The following FSTL5 variants were observed in gnomAD, a reference collection of about 807,000 sequenced individuals.
FSTL5 encodes follistatin like 5.
In FSTL5, 62 loss-of-function variants were observed where a neutral mutation model predicts 89.1. The ratio of observed to expected loss-of-function variants is 0.70; its 90% CI spans 0.57 to 0.86. The LOEUF (loss-of-function observed/expected upper bound fraction) is 0.86, where lower values mean the gene tolerates loss of function less well. Among genes scored for constraint, FSTL5 ranks in the 40% least tolerant of loss-of-function variants. FSTL5 has a pLI of 0.00. For synonymous variants in FSTL5, 383 were observed against 346.2 expected, an observed-to-expected ratio of 1.11 and a Z score of -1.18; for missense variants, 1,057 against 1,001.6, an observed-to-expected ratio of 1.06 and a Z score of -0.75.
At position 161,397,605 on chromosome 4, in the gene FSTL5, A is replaced by G. The variant is rs988476769; in HGVS notation, c.1842-11156T>C. On this transcript the variant is annotated intron_variant, in intron 15 of 15. Coordinates refer to ENST00000306100, the MANE Select transcript of FSTL5 (RefSeq NM_020116.5). ...TTATATATAGTATTTGACGATTGGT[A>G]TTAATAGTATTATAATGCTATTAGA... is the stretch of plus-strand genomic sequence containing the variant. Among the ~76,000 whole-genome samples the G allele has an allele frequency of 8.6e-5, 13 of 151,062 alleles. 2 individuals carry two copies. The highest frequency in any genetic ancestry group is 3.3e-4 in the Admixed American group (5 of 15,128).
intron 12 of FSTL5, among the ~76,000 whole-genome samples, chr4:161,485,463 C>T (rs76610628): frequency 0.023 from 3,550 of 152,196 alleles, 59 homozygotes; most frequent in Non-Finnish European, 0.035. Context: ...TCCGCTGTCA[C>T]CTTCTAGGAA....
At chr4:161,771,925 ATTCTGTTAAG>A (rs1348922716) in intron 5 of FSTL5, among the ~76,000 whole-genome samples, 4 of 152,188 alleles carry the variant, frequency 2.6e-5, no homozygotes, top group Non-Finnish European at 4.4e-5. Context: ...ATTATGGACA[ATTCTGTTAAG>A]TTAGAATGAT....
At chr4:161,527,068 C>T (rs192405871) in intron 10 of FSTL5, among the ~76,000 whole-genome samples, 4,100 of 152,198 alleles carry the variant, frequency 0.027, 178 homozygotes, top group African/African-American at 0.092. Context: ...TTCTTCCTAC[C>T]CATGAGCAAG....
intron 3 of FSTL5, among the ~76,000 whole-genome samples, chr4:161,936,549 G>A (rs192491940): frequency 1.8e-4 from 28 of 152,220 alleles, no homozygotes; most frequent in Non-Finnish European, 3.8e-4. Flanking sequence ...GGTTGGTAAA[G>A]CTGCAAACCT....
chr4:161,442,208 C>G (rs1270394296), intron 15 of FSTL5, among the ~76,000 whole-genome samples: 6 of 150,932 alleles, frequency 4.0e-5, no homozygotes, highest in Non-Finnish European at 8.9e-5. Flanking sequence ...TTGGTGCCTC[C>G]TAATTCACCG....
chr4:161,663,117 C>T (rs1736772650), intron 6 of FSTL5, among the ~76,000 whole-genome samples: 2 of 152,046 alleles, frequency 1.3e-5, no homozygotes, highest in South Asian at 4.1e-4. Context: ...CATGAGAATT[C>T]CGGGAGATAG....
At chr4:161,807,228 C>CACACACACACACACACAT (rs1415201641) in intron 4 of FSTL5, among the ~76,000 whole-genome samples, 2 of 140,458 alleles carry the variant, frequency 1.4e-5, no homozygotes, top group African/African-American at 2.5e-5. Context: ...CACACACACA[C>CACACACACACACACACAT]ATATATATTT....
At chr4:162,105,788 T>C (rs1561022245) in intron 2 of FSTL5, among the ~76,000 whole-genome samples, 1 of 152,288 alleles carries the variant, frequency 6.6e-6, no homozygotes, top group East Asian at 1.9e-4. Flanking sequence ...TGCTCTCAGA[T>C]GGTGGTCCAA....
rs184748567 is a variant in FSTL5 at position 162,092,147 on chromosome 4, T to G, written c.126+19124A>C. 1.9e-4 allele frequency among the ~76,000 whole-genome samples: 29 copies of G among 152,240 alleles called. No individual in the cohort carries two copies. The East Asian group carries it at 5.6e-3, about 29-fold the overall frequency. ...CAGCTCTTTAGAATAATCTAGGAAC[T>G]TTTATAAATATCCATGCTGGATTCC... On this transcript the variant is annotated intron_variant, in intron 2 of 15. Coordinates refer to ENST00000306100, the MANE Select transcript of FSTL5 (RefSeq NM_020116.5).
intron 6 of FSTL5, among the ~76,000 whole-genome samples, chr4:161,677,579 C>T (rs940358661): frequency 2.0e-5 from 3 of 151,880 alleles, no homozygotes; most frequent in Non-Finnish European, 4.4e-5. Flanking sequence ...AAAATATTAG[C>T]TACAAAGTTT....
At chr4:161,715,288 A>G (rs1738937116) in intron 6 of FSTL5, among the ~76,000 whole-genome samples, 1 of 152,190 alleles carries the variant, frequency 6.6e-6, no homozygotes, top group African/African-American at 2.4e-5. Context: ...CATGTATTTC[A>G]TATACAAAAA....
chr4:161,433,909 G>GA (rs1361833688), intron 15 of FSTL5, among the ~76,000 whole-genome samples: 1 of 151,844 alleles, frequency 6.6e-6, no homozygotes. Flanking sequence ...GAAGAGGACA[G>GA]AAAAAATAAA....
At chr4:161,455,255 A>T in intron 14 of FSTL5, 127 bp from the exon 15 acceptor site, 1 of 570,878 alleles carries the variant, frequency 1.8e-6, no homozygotes, top group East Asian at 3.4e-5. Flanking sequence ...CCATCCTCAA[A>T]ATCAATATAT....
At chr4:161,721,254 C>T (rs1372152450) in intron 6 of FSTL5, among the ~76,000 whole-genome samples, 30 of 137,804 alleles carry the variant, frequency 2.2e-4, no homozygotes, top group South Asian at 6.9e-4. Flanking sequence ...GTCCGCAGTC[C>T]GGCCTGGGCG....
intron 6 of FSTL5, among the ~76,000 whole-genome samples, chr4:161,708,775 C>T (rs1316231497): frequency 6.6e-6 from 1 of 152,042 alleles, no homozygotes; most frequent in Non-Finnish European, 1.5e-5. Context: ...AATGGCTTAT[C>T]TTATTGTTTG....
At chr4:162,156,924 T>TA (rs977696921) in intron 1 of FSTL5, among the ~76,000 whole-genome samples, 15 of 152,060 alleles carry the variant, frequency 9.9e-5, no homozygotes, top group Admixed American at 1.3e-4. Flanking sequence ...TAACTTTTTT[T>TA]AAAAAAAGAT....
At chr4:161,854,484 T>C (rs1731658559) in intron 4 of FSTL5, among the ~76,000 whole-genome samples, 1 of 152,162 alleles carries the variant, frequency 6.6e-6, no homozygotes, top group African/African-American at 2.4e-5. Flanking sequence ...AACAATTACA[T>C]ATATCTTCAC....
At chr4:161,583,136 G>A (rs1353951390) in intron 8 of FSTL5, among the ~76,000 whole-genome samples, 1 of 152,158 alleles carries the variant, frequency 6.6e-6, no homozygotes, top group Non-Finnish European at 1.5e-5. Flanking sequence ...AGGGGGCGGA[G>A]GTTGCAGGGA....
intron 6 of FSTL5, among the ~76,000 whole-genome samples, chr4:161,705,305 G>A (rs1738531351): frequency 6.6e-6 from 1 of 152,066 alleles, no homozygotes; most frequent in South Asian, 2.1e-4. Context: ...TATGACAACT[G>A]ATTAGAGAGG....
Sources: gnomAD v4.1 joint callset for allele counts (sites outside exome capture counted in the v4.1 genomes callset) on GRCh38, gnomAD v4.1.1 for gene constraint, MANE v1.5 for transcripts, NCBI Gene and HGNC (gene_info 2026-07-23, HGNC 2026-07-21) for gene names.